The following MRTFA variants were observed in gnomAD, a reference collection of about 807,000 sequenced individuals.
The protein encoded by MRTFA is myocardin related transcription factor A.
In MRTFA, 20 loss-of-function variants were observed where a neutral mutation model predicts 83.5. That is an observed-to-expected ratio of 0.24 (90% CI 0.17 to 0.35). The LOEUF is 0.35. MRTFA is among the 10% of genes least tolerant of loss of function. The probability of loss-of-function intolerance (pLI) is 1.00; values close to 1 mark genes in which losing one functional copy is unlikely to be tolerated. For synonymous variants in MRTFA, 659 were observed against 541.2 expected (o/e 1.22, Z -3.02); for missense variants, 1,200 against 1,224.7 (o/e 0.98, Z 0.30).
At chr22:40,607,859 C>A (rs886638971) in intron 1 of MRTFA, among the ~76,000 whole-genome samples, 2 of 152,186 alleles carry the variant, frequency 1.3e-5, no homozygotes, top group African/African-American at 4.8e-5. Context: ...CAGAAAAATT[C>A]TTTAACATCA....
At chr22:40,564,168 C>T (rs2055669971) in intron 2 of MRTFA, among the ~76,000 whole-genome samples, 1 of 152,086 alleles carries the variant, frequency 6.6e-6, no homozygotes, top group Non-Finnish European at 1.5e-5. Flanking sequence ...TAAGCCAGGG[C>T]AGTCATTACA....
chr22:40,485,826 G>A (rs1307357530), intron 3 of MRTFA, among the ~76,000 whole-genome samples: 1 of 152,196 alleles, frequency 6.6e-6, no homozygotes, highest in Non-Finnish European at 1.5e-5. Context: ...AGGAGCAAGG[G>A]CTGTGAGAAT....
chr22:40,411,925 G>C lies in MRTFA; in HGVS notation c.2579-18C>G, dbSNP rs1045728128. 2 of 1,468,678 alleles carry C rather than the reference G, an allele frequency of 1.4e-6. No individual in the cohort carries two copies. The highest frequency in any genetic ancestry group is 9.0e-7 in the Non-Finnish European group (1 of 1,107,944). 91.0% of individuals were successfully genotyped at this position (1,468,678 alleles called of 1,614,324 possible). On this transcript the variant is annotated intron_variant, in intron 14 of 14. Coordinates refer to ENST00000355630, the MANE Select transcript of MRTFA (RefSeq NM_020831.6). Reference sequence around the variant, plus strand: ...TGAAATTTCTGCCAATCAATCAAGAGAGTAAATGGATATCAGAAGCCAAGC... The same window carrying C: ...TGAAATTTCTGCCAATCAATCAAGACAGTAAATGGATATCAGAAGCCAAGC...
At chr22:40,542,700 G>C (rs992887932) in intron 3 of MRTFA, among the ~76,000 whole-genome samples, 8 of 152,132 alleles carry the variant, frequency 5.3e-5, no homozygotes, top group African/African-American at 1.9e-4. Context: ...TGATTCAATT[G>C]TCCAACTAAG....
At chr22:40,459,307 A>C (rs1407761778) in intron 4 of MRTFA, among the ~76,000 whole-genome samples, 1 of 151,316 alleles carries the variant, frequency 6.6e-6, no homozygotes, top group Non-Finnish European at 1.5e-5. Flanking sequence ...ATGTACCAAC[A>C]GGGACGTAAA....
rs1359998281 is a variant in MRTFA, at chr22:40,622,111, T to C, written c.-84+14367A>G. The stretch of plus-strand genomic sequence containing the variant: ...TGAAAAATGGCCCAAAAGATATCCA[T>C]AGCCTAATACCGGGAATCTGTGAAT... On this transcript the variant is annotated intron_variant, in intron 1 of 14. Coordinates refer to ENST00000355630, the MANE Select transcript of MRTFA (RefSeq NM_020831.6). 2.0e-5 allele frequency among the ~76,000 whole-genome samples: 3 copies of C among 152,126 alleles called. No individual in the cohort carries two copies. The East Asian group carries it at 5.8e-4, about 29-fold the overall frequency.
At chr22:40,482,014 C>T (rs1016589673) in intron 3 of MRTFA, among the ~76,000 whole-genome samples, 1 of 149,988 alleles carries the variant, frequency 6.7e-6, no homozygotes, top group Non-Finnish European at 1.5e-5. Context: ...GAGCCGAGAT[C>T]GCACCACTGC....
intron 2 of MRTFA, among the ~76,000 whole-genome samples, chr22:40,566,791 C>G (rs943237164): frequency 6.6e-6 from 1 of 152,180 alleles, no homozygotes; most frequent in Non-Finnish European, 1.5e-5. Flanking sequence ...CGACATCACA[C>G]CACTGCACCC....
chr22:40,492,333 A>G (rs1387710058), intron 3 of MRTFA, among the ~76,000 whole-genome samples: 1 of 152,130 alleles, frequency 6.6e-6, no homozygotes, highest in East Asian at 1.9e-4. Context: ...CAGTGACAGC[A>G]GAAGGTCAGA....
At chr22:40,432,689 A>G (rs2053092463) in intron 5 of MRTFA, among the ~76,000 whole-genome samples, 2 of 24,154 alleles carry the variant, frequency 8.3e-5, no homozygotes, top group South Asian at 2.3e-3. Context: ...AAGAAAAAGA[A>G]AAAAAAAAAA....
At chr22:40,610,958 G>A (rs1368710436) in intron 1 of MRTFA, among the ~76,000 whole-genome samples, 2 of 127,300 alleles carry the variant, frequency 1.6e-5, no homozygotes, top group Non-Finnish European at 3.2e-5. Flanking sequence ...TTTTTTTTGA[G>A]ATAGAGACTT....
intron 4 of MRTFA, among the ~76,000 whole-genome samples, chr22:40,439,238 C>T (rs1369603218): frequency 6.6e-6 from 1 of 152,096 alleles, no homozygotes; most frequent in Non-Finnish European, 1.5e-5. Flanking sequence ...CATGGTGGCT[C>T]AAGCCTGTAA....
chr22:40,465,722 G>A lies in MRTFA; in HGVS notation c.242-2436C>T, dbSNP rs546312687. Among the ~76,000 whole-genome samples, 15 of 150,844 alleles carry A rather than the reference G, an allele frequency of 9.9e-5. No homozygotes were observed. The South Asian group carries it at 2.5e-3, about 26-fold the overall frequency. ...ACTATAGGTGCATGACACCATGCCC[G>A]GTAATTTTTTAATTTTTTTTTTTGT... On this transcript the variant is annotated intron_variant, in intron 3 of 14. Transcript: ENST00000355630.
At position 40,410,906 on chromosome 22, in the gene MRTFA, G is replaced by A. The variant is rs1294574592; in HGVS notation, c.*484C>T. 1 of 234,414 alleles carries A rather than the reference G, an allele frequency of 4.3e-6. No homozygotes were observed. The highest frequency in any genetic ancestry group is 8.4e-6 in the Non-Finnish European group (1 of 119,254). The allele number at this position is 234,414 out of a possible 1,614,324, so 14.5% of individuals were successfully genotyped here. On this transcript the variant is annotated 3_prime_UTR_variant, in exon 15 of 15. Coordinates refer to ENST00000355630, the MANE Select transcript of MRTFA (RefSeq NM_020831.6). ...AGACACTAAAATGGCAGGGAGCCCT[G>A]GGATCCTGGGGTTGGCAGACACAGG...
intron 2 of MRTFA, among the ~76,000 whole-genome samples, chr22:40,572,616 T>C (rs1349053074): frequency 2.0e-5 from 3 of 152,226 alleles, no homozygotes; most frequent in Non-Finnish European, 4.4e-5. Context: ...ATTTTCGTGC[T>C]GCTGATAAAG....
chr22:40,490,595 T>C (rs1277008773), intron 3 of MRTFA, among the ~76,000 whole-genome samples: 1 of 136,668 alleles, frequency 7.3e-6, no homozygotes, highest in African/African-American at 2.7e-5. Context: ...TGAGATTCCA[T>C]CTCAAAAAAA....
chr22:40,443,934 A>C (rs2053328929), intron 4 of MRTFA, among the ~76,000 whole-genome samples: 1 of 152,236 alleles, frequency 6.6e-6, no homozygotes, highest in Non-Finnish European at 1.5e-5. Flanking sequence ...CAGTGGTAAC[A>C]GCATGCACCC....
rs375749502 is a variant in MRTFA, at chr22:40,477,374, A to C, written c.242-14088T>G. On this transcript the variant is annotated intron_variant, in intron 3 of 14. Coordinates refer to ENST00000355630, the MANE Select transcript of MRTFA (RefSeq NM_020831.6). The stretch of plus-strand genomic sequence containing the variant: ...CAAAATAAAAATAATAATAATAAAA[A>C]AAAGAAATGACCTCTAAGGGGAGAC... Among the ~76,000 whole-genome samples, 22 of 151,706 alleles carry C rather than the reference A, an allele frequency of 1.5e-4. 1 individual carries two copies. The highest frequency in any genetic ancestry group is 5.3e-4 in the African/African-American group (22 of 41,240).
chr22:40,440,409 C>G (rs1219297688), intron 4 of MRTFA, among the ~76,000 whole-genome samples: 1 of 152,196 alleles, frequency 6.6e-6, no homozygotes, highest in Non-Finnish European at 1.5e-5. Context: ...AACCTTCTGA[C>G]AAATGTGTCA....
Sources: allele counts gnomAD v4.1 joint callset (sites outside exome capture counted in the v4.1 genomes callset), GRCh38; gene constraint gnomAD v4.1.1; transcripts MANE v1.5; gene names NCBI Gene and HGNC (gene_info 2026-07-23, HGNC 2026-07-21).